The following DCDC1 variants were observed in gnomAD, a reference collection of about 807,000 sequenced individuals.
DCDC1 encodes the protein doublecortin domain-containing protein 1.
A neutral mutation model predicts 178.3 loss-of-function variants in DCDC1; 200 were observed. The ratio of observed to expected loss-of-function variants is 1.12; its 90% CI spans 1.00 to 1.26. The LOEUF (loss-of-function observed/expected upper bound fraction) is 1.26, where lower values mean the gene tolerates loss of function less well. DCDC1 is among the 50% of genes most tolerant of loss of function. DCDC1 has a pLI of 0.00. For missense variants in DCDC1, 1,983 were observed against 1,749.2 expected (o/e 1.13, Z -2.38); for synonymous variants, 690 against 604.8 (o/e 1.14, Z -2.07).
intron 9 of DCDC1, among the ~76,000 whole-genome samples, chr11:31,160,226 G>A (rs1012028516): frequency 6.6e-6 from 1 of 151,988 alleles, no homozygotes; most frequent in Non-Finnish European, 1.5e-5. Flanking sequence ...TGAAATAATT[G>A]AATCAACTTA....
intron 1 of DCDC1, among the ~76,000 whole-genome samples, chr11:31,367,245 G>C (rs1321137004): frequency 6.6e-6 from 1 of 152,260 alleles, no homozygotes; most frequent in Non-Finnish European, 1.5e-5. Context: ...GCTGCAGTGA[G>C]CTGAGATCAT....
chr11:31,243,390 G>T (rs1977425328), intron 8 of DCDC1, among the ~76,000 whole-genome samples: 1 of 151,526 alleles, frequency 6.6e-6, no homozygotes, highest in African/African-American at 2.4e-5. Context: ...ACATTGAAAG[G>T]CACTACATAA....
chr11:31,289,949 T>C (rs1565557439), intron 7 of DCDC1, among the ~76,000 whole-genome samples: 1 of 152,038 alleles, frequency 6.6e-6, no homozygotes, highest in Non-Finnish European at 1.5e-5. Flanking sequence ...TATATTATTA[T>C]TAGGTTGCTT....
At chr11:31,332,648 T>C (rs1257010959) in intron 2 of DCDC1, among the ~76,000 whole-genome samples, 1 of 152,226 alleles carries the variant, frequency 6.6e-6, no homozygotes, top group East Asian at 1.9e-4. Context: ...CCAGTAGTCA[T>C]TCAAGAGCAG....
intron 23 of DCDC1, 41 bp from the exon 24 acceptor site, chr11:30,922,679 C>A: frequency 6.9e-7 from 1 of 1,452,132 alleles, no homozygotes; most frequent in Non-Finnish European, 9.0e-7. Flanking sequence ...ATAATTGTCA[C>A]AGCAGCATTA....
At chr11:30,969,728 T>G (rs1250572861) in intron 20 of DCDC1, among the ~76,000 whole-genome samples, 1 of 152,232 alleles carries the variant, frequency 6.6e-6, no homozygotes, top group Non-Finnish European at 1.5e-5. Context: ...TTACTACAGA[T>G]TTTTTGGAGT....
intron 34 of DCDC1, among the ~76,000 whole-genome samples, chr11:30,896,801 T>C (rs535195299): frequency 1.3e-5 from 2 of 152,324 alleles, no homozygotes; most frequent in East Asian, 3.9e-4. Flanking sequence ...TGTTACTTAA[T>C]CATGAAAACC....
At chr11:30,913,511 C>G (rs988653330) in intron 27 of DCDC1, among the ~76,000 whole-genome samples, 1 of 152,202 alleles carries the variant, frequency 6.6e-6, no homozygotes, top group African/African-American at 2.4e-5. Context: ...CCCCCTGATG[C>G]TCCACCTCTT....
intron 10 of DCDC1, among the ~76,000 whole-genome samples, 153 bp downstream of exon 10, chr11:31,137,538 TG>T (rs1963299113): frequency 6.6e-6 from 1 of 151,944 alleles, no homozygotes; most frequent in African/African-American, 2.4e-5. Flanking sequence ...TTAGTAGAGA[TG>T]GGGTTTCACC....
At chr11:31,217,639 T>C (rs145534956) in intron 9 of DCDC1, among the ~76,000 whole-genome samples, 37 of 152,290 alleles carry the variant, frequency 2.4e-4, no homozygotes, top group African/African-American at 8.2e-4. Context: ...ACTGAAACTA[T>C]TCTGTTTCAG....
intron 21 of DCDC1, among the ~76,000 whole-genome samples, chr11:30,949,872 G>A (rs1044554194): frequency 6.6e-6 from 1 of 151,878 alleles, no homozygotes; most frequent in Non-Finnish European, 1.5e-5. Flanking sequence ...GGGGCTAGGG[G>A]AGGAATAGCA....
At chr11:31,024,000 A>C (rs1049743527) in intron 20 of DCDC1, among the ~76,000 whole-genome samples, 1 of 152,024 alleles carries the variant, frequency 6.6e-6, no homozygotes, top group East Asian at 1.9e-4. Flanking sequence ...AAGAATTATA[A>C]AGATGATCAT....
rs1949015824 is a variant in DCDC1, at chr11:31,315,307, T to TTTTA, written c.165-7400_165-7399insTAAA. Among the ~76,000 whole-genome samples, 3 of 4,972 alleles carry TTTTA rather than the reference T, an allele frequency of 6.0e-4. No individual in the cohort carries two copies. The South Asian group carries it at 0.024, about 40-fold the overall frequency. The allele number at this position is 4,972 out of a possible 152,430, so 3.3% of individuals were successfully genotyped here. ...TTCCATAGTTCCTATTTGCATACCC[T>TTTTA]TTTTTTTTTTTTTTTTTTTTTTTTT... is the stretch of plus-strand genomic sequence containing the variant. On this transcript the variant is annotated intron_variant, in intron 3 of 38. Transcript: ENST00000684477.
chr11:31,177,391 T>C (rs1968191122), intron 9 of DCDC1, among the ~76,000 whole-genome samples: 1 of 150,954 alleles, frequency 6.6e-6, no homozygotes, highest in Non-Finnish European at 1.5e-5. Context: ...TTTGAATAAA[T>C]AATTTTAAGA....
At chr11:31,284,701 C>T (rs10767892) in intron 7 of DCDC1, among the ~76,000 whole-genome samples, 90,434 of 151,194 alleles carry the variant, frequency 0.6, 27,366 homozygotes, top group East Asian at 0.93. Flanking sequence ...TGCAGTGGCA[C>T]GATCTTGGCT....
At chr11:31,148,821 T>G (rs961409531) in intron 9 of DCDC1, among the ~76,000 whole-genome samples, 1 of 152,162 alleles carries the variant, frequency 6.6e-6, no homozygotes, top group Non-Finnish European at 1.5e-5. Flanking sequence ...AGTGGTGATT[T>G]CTGAGATTTT....
chr11:31,111,065 C>T (rs1488919002), intron 11 of DCDC1, among the ~76,000 whole-genome samples: 1 of 152,136 alleles, frequency 6.6e-6, no homozygotes, highest in Non-Finnish European at 1.5e-5. Context: ...GTGAACACCA[C>T]CCCTCCAACC....
intron 20 of DCDC1, among the ~76,000 whole-genome samples, chr11:31,021,667 T>C (rs1458256371): frequency 1.3e-5 from 2 of 152,140 alleles, no homozygotes; most frequent in African/African-American, 4.8e-5. Flanking sequence ...TGTTATTATA[T>C]ACCTGTTTGA....
intron 9 of DCDC1, 129 bp from the exon 10 acceptor site, chr11:31,137,913 AAAT>A (rs1963354357): frequency 1.8e-6 from 1 of 554,902 alleles, no homozygotes; most frequent in Middle Eastern, 4.6e-4. Context: ...ACGTACATGA[AAAT>A]AAACTCTGAA....
Sources: gnomAD v4.1 joint callset for allele counts (sites outside exome capture counted in the v4.1 genomes callset) on GRCh38, gnomAD v4.1.1 for gene constraint, MANE v1.5 for transcripts, NCBI Gene and HGNC (gene_info 2026-07-23, HGNC 2026-07-21) for gene names.